NKAIN2: variants seen among roughly 807,000 people sequenced by gnomAD.
The protein encoded by NKAIN2 is sodium/potassium-transporting ATPase subunit beta-1-interacting protein 2.
NKAIN2 carries 14 observed loss-of-function variants against 32.6 expected under a neutral mutation model. The observed-to-expected ratio is 0.43, with a 90% confidence interval of 0.28 to 0.67. The LOEUF (loss-of-function observed/expected upper bound fraction) is 0.67. NKAIN2 is among the 30% of genes least tolerant of loss of function. The pLI is 0.17. For synonymous variants in NKAIN2, 80 were observed against 87.2 expected, an observed-to-expected ratio of 0.92 and a Z score of 0.46; for missense variants, 198 against 258.3, an observed-to-expected ratio of 0.77 and a Z score of 1.60.
At chr6:124,159,800 T>G (rs1788182048) in intron 1 of NKAIN2, among the ~76,000 whole-genome samples, 1 of 152,102 alleles carries the variant, frequency 6.6e-6, no homozygotes, top group Non-Finnish European at 1.5e-5. Flanking sequence ...GTTATGTAGA[T>G]ACAGCCAATA....
At chr6:124,099,374 T>A (rs1784781465) in intron 1 of NKAIN2, among the ~76,000 whole-genome samples, 1 of 152,174 alleles carries the variant, frequency 6.6e-6, no homozygotes, top group Admixed American at 6.5e-5. Flanking sequence ...TAATTTGAAT[T>A]TAGGTTGCCT....
intron 3 of NKAIN2, among the ~76,000 whole-genome samples, chr6:124,503,667 A>G (rs967993105): frequency 6.6e-6 from 1 of 152,134 alleles, no homozygotes; most frequent in Non-Finnish European, 1.5e-5. Flanking sequence ...ATATTTACCA[A>G]ACACCTACAA....
At chr6:124,069,982 C>A (rs1254056871) in intron 1 of NKAIN2, among the ~76,000 whole-genome samples, 1 of 152,180 alleles carries the variant, frequency 6.6e-6, no homozygotes, top group Non-Finnish European at 1.5e-5. Context: ...CAAATTGTCA[C>A]CGAGCTCTGG....
chr6:124,326,363 G>A (rs1797411418), intron 2 of NKAIN2, among the ~76,000 whole-genome samples: 2 of 152,164 alleles, frequency 1.3e-5, no homozygotes, highest in South Asian at 4.2e-4. Flanking sequence ...TGTGGTGAAT[G>A]CAGAGATGAA....
At chr6:123,959,358 T>A (rs1021984270) in intron 1 of NKAIN2, among the ~76,000 whole-genome samples, 1 of 152,168 alleles carries the variant, frequency 6.6e-6, no homozygotes, top group African/African-American at 2.4e-5. Context: ...GGTCCATGGC[T>A]TCCTGCATTG....
In NKAIN2 at chr6:124,819,196, A is replaced by T. The variant is rs1031738790; in HGVS notation, c.617+728A>T. The T allele has an allele frequency of 6.2e-6, 4 of 649,558 alleles. No homozygotes were observed. In the African/African-American group the frequency reaches 7.9e-5, roughly 13 times the overall value. The allele number at this position is 649,558 out of a possible 1,614,324, so 40.2% of individuals were successfully genotyped here. A position where few individuals can be genotyped will look rare whatever the true frequency, so the allele number is the denominator to read the frequency against. On this transcript the variant is annotated intron_variant, in intron 6 of 6. Coordinates refer to ENST00000368417, the MANE Select transcript of NKAIN2 (RefSeq NM_001040214.3). ...GAAAGTAAGATTCCAATTCATTTTA[A>T]AATGTGAACTTCTCTTTGAAGATAT... is the stretch of plus-strand genomic sequence containing the variant.
chr6:123,952,792 G>T (rs1290569912), intron 1 of NKAIN2, among the ~76,000 whole-genome samples: 1 of 151,854 alleles, frequency 6.6e-6, no homozygotes, highest in African/African-American at 2.4e-5. Flanking sequence ...ATCCTGAATT[G>T]TTCCTATTTT....
At chr6:123,819,872 A>G (rs1042152959) in intron 1 of NKAIN2, among the ~76,000 whole-genome samples, 11 of 152,344 alleles carry the variant, frequency 7.2e-5, no homozygotes, top group Middle Eastern at 6.8e-3. Context: ...TTGCTTCACA[A>G]GTTATGCTTG....
intron 1 of NKAIN2, among the ~76,000 whole-genome samples, chr6:123,988,985 C>T (rs966761887): frequency 7.9e-5 from 12 of 151,542 alleles, no homozygotes; most frequent in Admixed American, 1.3e-4. Flanking sequence ...TGTTTAATTT[C>T]GATCTATTCT....
At chr6:124,443,090 C>G (rs552751843) in intron 3 of NKAIN2, among the ~76,000 whole-genome samples, 1 of 152,022 alleles carries the variant, frequency 6.6e-6, no homozygotes, top group Non-Finnish European at 1.5e-5. Flanking sequence ...TTGCAAGATG[C>G]AATAATTTGC....
At chr6:124,178,384 G>A (rs1181876373) in intron 1 of NKAIN2, among the ~76,000 whole-genome samples, 2 of 150,426 alleles carry the variant, frequency 1.3e-5, no homozygotes, top group African/African-American at 2.5e-5. Context: ...TGCAAGCTCC[G>A]CCTCCTGGGT....
intron 3 of NKAIN2, among the ~76,000 whole-genome samples, chr6:124,497,611 A>C (rs965180570): frequency 3.3e-5 from 5 of 152,228 alleles, no homozygotes; most frequent in Middle Eastern, 3.4e-3. Flanking sequence ...AGTTGGAAAA[A>C]TAATTATCTT....
At chr6:123,841,572 A>C (rs1774870850) in intron 1 of NKAIN2, among the ~76,000 whole-genome samples, 1 of 152,130 alleles carries the variant, frequency 6.6e-6, no homozygotes, top group Non-Finnish European at 1.5e-5. Flanking sequence ...ATCCATCATC[A>C]ACAGGAAGTC....
intron 2 of NKAIN2, among the ~76,000 whole-genome samples, chr6:124,297,737 T>C (rs1331996617): frequency 6.6e-6 from 1 of 151,952 alleles, no homozygotes; most frequent in African/African-American, 2.4e-5. Context: ...TCAGTAATTT[T>C]TAAAGCCATG....
At chr6:124,145,757 A>C (rs972855252) in intron 1 of NKAIN2, among the ~76,000 whole-genome samples, 1 of 152,098 alleles carries the variant, frequency 6.6e-6, no homozygotes, top group African/African-American at 2.4e-5. Context: ...CACCCCCCTC[A>C]GCCTCCCAAA....
At chr6:124,717,371 A>G (rs1353458276) in intron 4 of NKAIN2, among the ~76,000 whole-genome samples, 1 of 152,142 alleles carries the variant, frequency 6.6e-6, no homozygotes, top group East Asian at 1.9e-4. Context: ...CACAACAATT[A>G]CTCCAGATAA....
At chr6:124,732,785 T>G (rs543524945) in intron 4 of NKAIN2, among the ~76,000 whole-genome samples, 1 of 152,126 alleles carries the variant, frequency 6.6e-6, no homozygotes, top group South Asian at 2.1e-4. Flanking sequence ...AAACTAAACA[T>G]AATTTTACTT....
intron 4 of NKAIN2, among the ~76,000 whole-genome samples, chr6:124,672,487 G>A (rs1447204020): frequency 6.6e-6 from 1 of 152,022 alleles, no homozygotes; most frequent in Admixed American, 6.6e-5. Flanking sequence ...TTAACTCTGT[G>A]TGGTCAAAAC....
At chr6:123,957,686 C>T (rs1234268020) in intron 1 of NKAIN2, among the ~76,000 whole-genome samples, 2 of 152,064 alleles carry the variant, frequency 1.3e-5, no homozygotes, top group Non-Finnish European at 2.9e-5. Flanking sequence ...GCTTGTTACA[C>T]AATAGGAATG....
Sources: gnomAD v4.1 joint callset for allele counts (sites outside exome capture counted in the v4.1 genomes callset) on GRCh38, gnomAD v4.1.1 for gene constraint, MANE v1.5 for transcripts, NCBI Gene and HGNC (gene_info 2026-07-23, HGNC 2026-07-21) for gene names.